MYO5B: variants seen among roughly 807,000 people sequenced by gnomAD.
The protein encoded by MYO5B is myosin VB, also known as unconventional myosin-Vb.
In MYO5B, 143 loss-of-function variants were observed where a neutral mutation model predicts 229.3. That is an observed-to-expected ratio of 0.62 (90% confidence interval 0.54 to 0.72). MYO5B has a LOEUF of 0.72. Ranked by LOEUF, MYO5B falls within the 30% of genes least tolerant of loss-of-function variation. The pLI is 0.00. For synonymous variants in MYO5B, 918 were observed against 885.2 expected (o/e 1.04, Z -0.66); for missense variants, 2,321 against 2,331.0 (o/e 1.00, Z 0.09).
rs2024366957 is a variant in MYO5B, at chr18:49,864,183, C to G, written c.3801G>C (p.Gln1267His). ...GTCGCCGCTGGTCGGCGCTCACGAT[C>G]TGGGTCCTGAGGATGAGCACCTCCT... Reference protein sequence around the residue: ...RKEEVLILRTQIVSADQRRLA... With the variant: ...RKEEVLILRTHIVSADQRRLA... Residue 1267 changes from glutamine (Q) to histidine (H), a missense_variant, in exon 28 of 40, where the codon CAG becomes CAC. Physicochemically the swap from Gln to His is conservative, Grantham distance 24. Coordinates refer to ENST00000285039, the MANE Select transcript of MYO5B (RefSeq NM_001080467.3). 1.9e-6 allele frequency: 3 copies of G among 1,612,632 alleles called. No individual in the cohort carries two copies. The highest frequency in any genetic ancestry group is 3.3e-5 in the Admixed American group (2 of 60,014).
At chr18:50,155,326 T>C (rs775818187) in intron 1 of MYO5B, among the ~76,000 whole-genome samples, 3 of 152,238 alleles carry the variant, frequency 2.0e-5, no homozygotes, top group Non-Finnish European at 4.4e-5. Flanking sequence ...GTTAAAGTTA[T>C]GTATTCTTTA....
chr18:49,902,110 C>T (rs1289487635), intron 21 of MYO5B, among the ~76,000 whole-genome samples: 2 of 152,242 alleles, frequency 1.3e-5, no homozygotes, highest in Non-Finnish European at 1.5e-5. Flanking sequence ...CATTATCTTA[C>T]AGCTCTGGAG....
intron 22 of MYO5B, among the ~76,000 whole-genome samples, chr18:49,884,203 G>A (rs1621791): frequency 0.59 from 90,159 of 151,850 alleles, 26,832 homozygotes; most frequent in Middle Eastern, 0.67. Flanking sequence ...CACAGAATGG[G>A]AAAAAATATT....
intron 39 of MYO5B, among the ~76,000 whole-genome samples, chr18:49,834,422 A>G (rs2144026837): frequency 6.6e-6 from 1 of 152,298 alleles, no homozygotes; most frequent in African/African-American, 2.4e-5. Flanking sequence ...TCATGGGAGA[A>G]GTGTGGCCTG....
At chr18:49,939,688 TG>T (rs545799642) in intron 14 of MYO5B, among the ~76,000 whole-genome samples, 9 of 152,168 alleles carry the variant, frequency 5.9e-5, no homozygotes, top group Admixed American at 2.6e-4. Flanking sequence ...TGCTAGTCAG[TG>T]GCTGAGCCTG....
intron 28 of MYO5B, 47 bp from the exon 29 acceptor site, chr18:49,863,374 C>T (rs772589882): frequency 7.8e-6 from 12 of 1,531,664 alleles, no homozygotes; most frequent in Non-Finnish European, 1.1e-5. Context: ...ACAATTGCCA[C>T]AAAATGGCTT....
At chr18:49,864,010 G>T in intron 28 of MYO5B, 131 bp downstream of exon 28, 2 of 1,379,876 alleles carry the variant, frequency 1.4e-6, no homozygotes, top group Non-Finnish European at 2.0e-6. Context: ...CCTTTTTGGA[G>T]GAGACCCCAC....
chr18:50,100,863 A>G (rs911369221), intron 1 of MYO5B, among the ~76,000 whole-genome samples: 36 of 152,244 alleles, frequency 2.4e-4, no homozygotes, highest in African/African-American at 8.0e-4. Flanking sequence ...TGGAGCCAGC[A>G]GCATCACCCG....
intron 4 of MYO5B, among the ~76,000 whole-genome samples, chr18:50,003,240 T>C (rs1480719504): frequency 6.6e-6 from 1 of 152,198 alleles, no homozygotes; most frequent in Admixed American, 6.5e-5. Context: ...CTAGTAGGCA[T>C]TGTTGAGAAG....
chr18:49,913,327 A>G (rs1258204318), intron 17 of MYO5B, among the ~76,000 whole-genome samples: 1 of 152,214 alleles, frequency 6.6e-6, no homozygotes, highest in East Asian at 1.9e-4. Context: ...GTCTCGATTC[A>G]TACATATGCT....
rs567113903 is a variant in MYO5B, at chr18:50,115,190, T to C, written c.28-59812A>G. ...CTCCCAGGGATCCTGATCCCCAAGGTGGGCAGCCACCTGCACACTGTGTTA... is the reference window on the plus strand; with the variant it reads ...CTCCCAGGGATCCTGATCCCCAAGGCGGGCAGCCACCTGCACACTGTGTTA... On this transcript the variant is annotated intron_variant, in intron 1 of 39. Coordinates refer to ENST00000285039, the MANE Select transcript of MYO5B (RefSeq NM_001080467.3). 1.2e-4 allele frequency among the ~76,000 whole-genome samples: 19 copies of C among 152,332 alleles called. No individual in the cohort carries two copies. In the South Asian group the frequency reaches 2.1e-3, roughly 17 times the overall value.
intron 1 of MYO5B, among the ~76,000 whole-genome samples, chr18:50,107,610 A>G (rs1292265730): frequency 2.0e-5 from 3 of 152,250 alleles, no homozygotes; most frequent in African/African-American, 7.2e-5. Flanking sequence ...CCACACAGCC[A>G]TTTCCTGCTA....
chr18:49,976,046 C>G (rs1203769645), intron 9 of MYO5B, among the ~76,000 whole-genome samples: 3 of 152,246 alleles, frequency 2.0e-5, no homozygotes, highest in Non-Finnish European at 4.4e-5. Flanking sequence ...TATTCATTCT[C>G]TCACCTGTTT....
At chr18:49,903,485 C>T (rs1449777896) in intron 20 of MYO5B, among the ~76,000 whole-genome samples, 2 of 152,170 alleles carry the variant, frequency 1.3e-5, no homozygotes, top group African/African-American at 2.4e-5. Flanking sequence ...GAGAAACTCC[C>T]AAACATCACC....
chr18:50,086,393 G>T (rs12185480), intron 1 of MYO5B, among the ~76,000 whole-genome samples: 5 of 144,472 alleles, frequency 3.5e-5, no homozygotes, highest in African/African-American at 1.5e-4. Flanking sequence ...CATATACTAC[G>T]TATTCTACAT....
intron 12 of MYO5B, among the ~76,000 whole-genome samples, chr18:49,956,601 A>G (rs1443494988): frequency 6.6e-6 from 1 of 152,224 alleles, no homozygotes; most frequent in Non-Finnish European, 1.5e-5. Context: ...TATTTTGATA[A>G]CTTCTGGGTC....
At chr18:49,849,856 T>C in intron 31 of MYO5B, 196 bp from the exon 32 acceptor site, 2 of 630,924 alleles carry the variant, frequency 3.2e-6, no homozygotes, top group Non-Finnish European at 5.8e-6. Context: ...AAGTGGGAGA[T>C]GATGAGTCAG....
chr18:49,860,022 C>T (rs1030223093), intron 29 of MYO5B, among the ~76,000 whole-genome samples: 9 of 152,132 alleles, frequency 5.9e-5, no homozygotes, highest in African/African-American at 1.9e-4. Context: ...CCAGGTGCGC[C>T]CGACCAAGCC....
At chr18:49,982,801 T>C (rs1329413438) in intron 8 of MYO5B, among the ~76,000 whole-genome samples, 21 of 152,152 alleles carry the variant, frequency 1.4e-4, no homozygotes, top group Admixed American at 1.1e-3. Context: ...ACCCCTGCAA[T>C]TAAAAAAGGG....
Sources: allele counts gnomAD v4.1 joint callset (sites outside exome capture counted in the v4.1 genomes callset), GRCh38; gene constraint gnomAD v4.1.1; transcripts MANE v1.5; gene names NCBI Gene and HGNC (gene_info 2026-07-23, HGNC 2026-07-21).